DDHD1: variants seen among roughly 807,000 people sequenced by gnomAD.
DDHD1 encodes DDHD domain containing 1.
A neutral mutation model predicts 96.4 loss-of-function variants in DDHD1; 49 were observed. The ratio of observed to expected loss-of-function variants is 0.51; its 90% CI spans 0.40 to 0.64. DDHD1 has a LOEUF of 0.64. Ranked by LOEUF, DDHD1 falls within the 30% of genes least tolerant of loss-of-function variation. The pLI, the probability that DDHD1 is intolerant of heterozygous loss-of-function variation, is 0.00. For missense variants in DDHD1, 1,106 were observed against 1,161.2 expected, an observed-to-expected ratio of 0.95 and a Z score of 0.69; for synonymous variants, 442 against 446.5, an observed-to-expected ratio of 0.99 and a Z score of 0.13.
chr14:53,105,113 A>G (rs1471960031), intron 1 of DDHD1, among the ~76,000 whole-genome samples: 1 of 152,102 alleles, frequency 6.6e-6, no homozygotes, highest in Non-Finnish European at 1.5e-5. Context: ...ATAAATAAAA[A>G]AGCTTGTAAT....
intron 1 of DDHD1, among the ~76,000 whole-genome samples, chr14:53,118,095 AAACAGAAAGG>A (rs1260131513): frequency 8.5e-5 from 13 of 152,186 alleles, no homozygotes; most frequent in Non-Finnish European, 1.8e-4. Context: ...GAAAATTAAC[AAACAGAAAGG>A]AACAGCATCA....
chr14:53,060,825 C>A (rs188935129), intron 8 of DDHD1, among the ~76,000 whole-genome samples: 263 of 152,210 alleles, frequency 1.7e-3, no homozygotes, highest in South Asian at 2.5e-3. Context: ...GTACAAATAT[C>A]ACTCCTTTGT....
intron 11 of DDHD1, chr14:53,052,644 T>C (rs900202665): frequency 6.6e-6 from 1 of 152,032 alleles, no homozygotes; most frequent in Admixed American, 6.6e-5. Context: ...AAGCAAATCT[T>C]GGGAATAGGA....
At chr14:53,083,913 GTTTT>G (rs33965357) in intron 4 of DDHD1, among the ~76,000 whole-genome samples, 4,774 of 151,358 alleles carry the variant, frequency 0.032, 245 homozygotes, top group African/African-American at 0.11. Flanking sequence ...GGACACTTGG[GTTTT>G]TTTTTGAGCC....
intron 1 of DDHD1, among the ~76,000 whole-genome samples, chr14:53,112,826 C>A (rs1358926633): frequency 1.3e-5 from 2 of 152,066 alleles, no homozygotes; most frequent in African/African-American, 4.8e-5. Context: ...TATCACTAAG[C>A]CCTGCTTGAC....
intron 4 of DDHD1, among the ~76,000 whole-genome samples, chr14:53,077,685 A>G (rs1231697297): frequency 1.3e-5 from 2 of 150,696 alleles, no homozygotes; most frequent in Admixed American, 6.6e-5. Context: ...TTTTTTTAAA[A>G]AACAATTGTG....
chr14:53,069,500 A>G (rs1184460458), intron 6 of DDHD1, among the ~76,000 whole-genome samples: 1 of 152,196 alleles, frequency 6.6e-6, no homozygotes, highest in Non-Finnish European at 1.5e-5. Flanking sequence ...GTTTAGACAC[A>G]ATGCTGTTGC....
chr14:53,149,584 A>G (rs1891211175), intron 1 of DDHD1, among the ~76,000 whole-genome samples: 2 of 152,234 alleles, frequency 1.3e-5, no homozygotes, highest in Admixed American at 1.3e-4. Flanking sequence ...TACAGGATAG[A>G]CAAAAAGCAC....
At chr14:53,077,471 C>T (rs182938136) in intron 4 of DDHD1, among the ~76,000 whole-genome samples, 3 of 152,108 alleles carry the variant, frequency 2.0e-5, no homozygotes, top group Admixed American at 2.0e-4. Flanking sequence ...TTAATTCTTC[C>T]CTTTATTAAC....
At chr14:53,084,348 T>C (rs1885742456) in intron 4 of DDHD1, among the ~76,000 whole-genome samples, 1 of 152,188 alleles carries the variant, frequency 6.6e-6, no homozygotes, top group Non-Finnish European at 1.5e-5. Flanking sequence ...TTAAGCCTTT[T>C]TGGGTTAGGA....
intron 4 of DDHD1, among the ~76,000 whole-genome samples, chr14:53,090,172 A>C (rs1376387092): frequency 2.0e-5 from 3 of 152,194 alleles, no homozygotes; most frequent in African/African-American, 4.8e-5. Flanking sequence ...AACCACAATG[A>C]GATACCATCT....
Position 53,037,978 on chromosome 14 carries a change from A to C in DDHD1, c.*8790T>G, listed in dbSNP as rs1881383121. The C allele has an allele frequency of 6.6e-6, 1 of 152,100 alleles. No individual in the cohort carries two copies. The highest frequency in any genetic ancestry group is 6.6e-5 in the Admixed American group (1 of 15,246). The allele number at this position is 152,100 out of a possible 1,614,324, so 9.4% of individuals were successfully genotyped here. The stretch of plus-strand genomic sequence containing the variant: ...CCAGTTATCCCAACACCATTTATTG[A>C]ATACGGATAAAATCCAACATCCCTC... On this transcript the variant is annotated 3_prime_UTR_variant, in exon 13 of 13. Coordinates refer to ENST00000673822, the MANE Select transcript of DDHD1 (RefSeq NM_001160148.2).
At chr14:53,075,972 C>T (rs908813772) in intron 4 of DDHD1, among the ~76,000 whole-genome samples, 4 of 152,078 alleles carry the variant, frequency 2.6e-5, no homozygotes, top group East Asian at 1.9e-4. Flanking sequence ...GGTTACTGCC[C>T]GCTGACAATG....
chr14:53,061,353 C>T (rs1314459485), intron 7 of DDHD1, 152 bp from the exon 8 acceptor site: 3 of 558,606 alleles, frequency 5.4e-6, no homozygotes, highest in African/African-American at 3.9e-5. Context: ...ATGTCTCTGC[C>T]ACAGTACAGA....
rs1353455101 is a variant in DDHD1 at position 53,044,031 on chromosome 14, A to G, written c.*2737T>C. 1 of 152,184 alleles carries G rather than the reference A, an allele frequency of 6.6e-6. No homozygotes were observed. The highest frequency in any genetic ancestry group is 2.4e-5 in the African/African-American group (1 of 41,442). The allele number at this position is 152,184 out of a possible 1,614,324, so 9.4% of individuals were successfully genotyped here. On this transcript the variant is annotated 3_prime_UTR_variant, in exon 13 of 13. Coordinates refer to ENST00000673822, the MANE Select transcript of DDHD1 (RefSeq NM_001160148.2). ...TTTTGGCCGATTTAGTACTTGCTGG[A>G]ATAAAGTTGCAAAATGTTACTCAGT...
chr14:53,115,499 G>C (rs752617663), intron 1 of DDHD1, among the ~76,000 whole-genome samples: 1 of 152,210 alleles, frequency 6.6e-6, no homozygotes, highest in Non-Finnish European at 1.5e-5. Flanking sequence ...TATCTACAAA[G>C]GGAAGCCTAT....
chr14:53,134,515 C>A (rs1890091004), intron 1 of DDHD1, among the ~76,000 whole-genome samples: 1 of 151,548 alleles, frequency 6.6e-6, no homozygotes, highest in African/African-American at 2.4e-5. Context: ...CTAGCCATTT[C>A]TAATCCTTCC....
At chr14:53,093,171 A>C in intron 3 of DDHD1, 145 bp downstream of exon 3, 1 of 739,728 alleles carries the variant, frequency 1.4e-6, no homozygotes, top group Non-Finnish European at 1.9e-6. Flanking sequence ...TCAACTTAAT[A>C]AAAGTTTCAT....
intron 1 of DDHD1, among the ~76,000 whole-genome samples, chr14:53,115,665 A>G (rs560119551): frequency 1.4e-4 from 21 of 151,358 alleles, no homozygotes; most frequent in African/African-American, 5.1e-4. Context: ...TCCTTTACAG[A>G]CAAGCAGATG....
Sources: allele counts gnomAD v4.1 joint callset (sites outside exome capture counted in the v4.1 genomes callset), GRCh38; gene constraint gnomAD v4.1.1; transcripts MANE v1.5; gene names NCBI Gene and HGNC (gene_info 2026-07-23, HGNC 2026-07-21).